Variants in PRKG1 observed in about 807,000 individuals in gnomAD.
PRKG1 encodes the protein cGMP-dependent protein kinase 1.
Under a neutral mutation model 88.1 loss-of-function variants are expected in PRKG1, and 35 were observed. The observed-to-expected ratio is 0.40, with a 90% CI of 0.30 to 0.53. The LOEUF (loss-of-function observed/expected upper bound fraction) is 0.53. Ranked by LOEUF, PRKG1 falls within the 20% of genes least tolerant of loss-of-function variation. The pLI is 0.59. For missense variants in PRKG1, 540 were observed against 839.8 expected (o/e 0.64, Z 4.41); for synonymous variants, 303 against 292.5 (o/e 1.04, Z -0.37).
intron 2 of PRKG1, among the ~76,000 whole-genome samples, chr10:51,338,691 G>A (rs1841935106): frequency 1.3e-5 from 2 of 152,306 alleles, no homozygotes; most frequent in Admixed American, 6.5e-5. Flanking sequence ...GTTATCATTA[G>A]TCTTAATTGA....
rs543886424 is a variant in PRKG1 at position 51,609,992 on chromosome 10, A to G, written c.592+142156A>G. Among the ~76,000 whole-genome samples, 143 of 152,206 alleles carry G rather than the reference A, an allele frequency of 9.4e-4. 3 individuals are homozygous for G. The South Asian group carries it at 0.022, about 23-fold the overall frequency. On this transcript the variant is annotated intron_variant, in intron 3 of 17. Coordinates refer to ENST00000373980, the MANE Select transcript of PRKG1 (RefSeq NM_006258.4). ...CTGCACATGTACCCCAAACTTATAA[A>G]TTAAAAAAAAATTTTTTTGATCCAT... is the stretch of plus-strand genomic sequence containing the variant.
At chr10:51,011,638 T>G (rs371567014) in intron 1 of PRKG1, among the ~76,000 whole-genome samples, 175 of 152,302 alleles carry the variant, frequency 1.1e-3, no homozygotes, top group African/African-American at 4.0e-3. Flanking sequence ...GTGCCTAAAT[T>G]TATTTTATTT....
At chr10:52,264,625 G>A (rs763838392) in intron 10 of PRKG1, among the ~76,000 whole-genome samples, 5 of 152,030 alleles carry the variant, frequency 3.3e-5, no homozygotes, top group African/African-American at 4.8e-5. Context: ...TAGATTTCCT[G>A]AGTAAAATTT....
chr10:51,889,736 T>C (rs1386364317), intron 4 of PRKG1, among the ~76,000 whole-genome samples: 1 of 152,218 alleles, frequency 6.6e-6, no homozygotes, highest in Admixed American at 6.5e-5. Flanking sequence ...CCTGACTTTT[T>C]AATGATCGCC....
chr10:51,555,299 A>C (rs1837282052), intron 3 of PRKG1, among the ~76,000 whole-genome samples: 2 of 151,990 alleles, frequency 1.3e-5, no homozygotes, highest in Non-Finnish European at 2.9e-5. Context: ...GCAACAACAC[A>C]TTCCTATTTT....
At chr10:51,308,929 A>G (rs1841109690) in intron 2 of PRKG1, among the ~76,000 whole-genome samples, 1 of 152,166 alleles carries the variant, frequency 6.6e-6, no homozygotes. Context: ...TGCTGACGGT[A>G]TGATGAGGCT....
chr10:51,656,988 C>G (rs766296095), intron 3 of PRKG1, among the ~76,000 whole-genome samples: 1 of 152,094 alleles, frequency 6.6e-6, no homozygotes, highest in Non-Finnish European at 1.5e-5. Flanking sequence ...CTCTGTGCCT[C>G]AGTTTTCTCA....
chr10:51,333,358 A>C (rs1841789003), intron 2 of PRKG1, among the ~76,000 whole-genome samples: 1 of 152,240 alleles, frequency 6.6e-6, no homozygotes, highest in African/African-American at 2.4e-5. Flanking sequence ...GCACTTTATG[A>C]ATTAACTTAG....
At chr10:51,606,862 C>T (rs1838779674) in intron 3 of PRKG1, among the ~76,000 whole-genome samples, 2 of 152,150 alleles carry the variant, frequency 1.3e-5, no homozygotes, top group African/African-American at 4.8e-5. Context: ...GTGACTAAAA[C>T]ATAGTAGCTT....
At chr10:52,217,858 A>G (rs917404744) in intron 9 of PRKG1, among the ~76,000 whole-genome samples, 5 of 152,176 alleles carry the variant, frequency 3.3e-5, no homozygotes, top group Non-Finnish European at 5.9e-5. Context: ...TTTGCATAAT[A>G]AATGAAACTC....
chr10:51,793,381 C>CA (rs945656846), intron 3 of PRKG1, among the ~76,000 whole-genome samples: 7 of 151,424 alleles, frequency 4.6e-5, no homozygotes, highest in African/African-American at 1.2e-4. Context: ...GAAAAAAGAA[C>CA]AAAAAACTTG....
At chr10:51,416,622 C>T (rs749532579) in intron 2 of PRKG1, among the ~76,000 whole-genome samples, 5 of 152,100 alleles carry the variant, frequency 3.3e-5, no homozygotes, top group African/African-American at 4.8e-5. Flanking sequence ...CATGATAATG[C>T]TTGCAAAGGG....
rs114749887 is a variant in PRKG1, at chr10:51,567,701, C to G, written c.592+99865C>G. Among the ~76,000 whole-genome samples the G allele has an allele frequency of 3.5e-3, 538 of 152,152 alleles. 3 individuals carry two copies. The highest frequency in any genetic ancestry group is 0.017 in the Middle Eastern group (5 of 294). ...TCCTGGGTTCAAACAATTATTGTGC[C>G]TCAGTCTCCCAAGTAGCTGAAACTA... On this transcript the variant is annotated intron_variant, in intron 3 of 17. Coordinates refer to ENST00000373980, the MANE Select transcript of PRKG1 (RefSeq NM_006258.4).
At chr10:51,155,563 A>G (rs1247718975) in intron 2 of PRKG1, among the ~76,000 whole-genome samples, 1 of 151,966 alleles carries the variant, frequency 6.6e-6, no homozygotes, top group African/African-American at 2.4e-5. Flanking sequence ...ACTGTTAACT[A>G]TGGGGCTATG....
chr10:52,014,482 A>G (rs957291402), intron 5 of PRKG1, among the ~76,000 whole-genome samples: 2 of 152,156 alleles, frequency 1.3e-5, no homozygotes, highest in Non-Finnish European at 2.9e-5. Context: ...GGGAATTACA[A>G]TTCAAGGTGA....
At chr10:51,907,628 T>A in intron 5 of PRKG1, 58 bp downstream of exon 5, 1 of 1,421,366 alleles carries the variant, frequency 7.0e-7, no homozygotes, top group Non-Finnish European at 9.9e-7. Flanking sequence ...TTGGCTGGCT[T>A]CTTTCACAGC....
intron 7 of PRKG1, among the ~76,000 whole-genome samples, chr10:52,111,162 C>T (rs1480426896): frequency 6.6e-6 from 1 of 152,120 alleles, no homozygotes; most frequent in Non-Finnish European, 1.5e-5. Context: ...GTCCTCTGCC[C>T]ACAGGCTTTT....
chr10:51,589,011 G>A (rs1164482779), intron 3 of PRKG1, among the ~76,000 whole-genome samples: 1 of 152,078 alleles, frequency 6.6e-6, no homozygotes, highest in African/African-American at 2.4e-5. Flanking sequence ...CATGTTAAGT[G>A]TGAGCTTAAT....
chr10:51,283,256 A>C (rs1181012289), intron 2 of PRKG1, among the ~76,000 whole-genome samples: 1 of 152,140 alleles, frequency 6.6e-6, no homozygotes, highest in Non-Finnish European at 1.5e-5. Flanking sequence ...CCTTAGGGAG[A>C]TAGATTCCTA....
Sources: gnomAD v4.1 joint callset for allele counts (sites outside exome capture counted in the v4.1 genomes callset) on GRCh38, gnomAD v4.1.1 for gene constraint, MANE v1.5 for transcripts, NCBI Gene and HGNC (gene_info 2026-07-23, HGNC 2026-07-21) for gene names.